The following ZC3H12B variants were observed in gnomAD, a reference collection of about 807,000 sequenced individuals.
The protein encoded by ZC3H12B is probable ribonuclease ZC3H12B.
Under a neutral mutation model 43.9 loss-of-function variants are expected in ZC3H12B, and 7 were observed. The ratio of observed to expected loss-of-function variants is 0.16; its 90% CI spans 0.09 to 0.30. ZC3H12B has a LOEUF of 0.30. Ranked by LOEUF, ZC3H12B falls within the 10% of genes least tolerant of loss-of-function variation. The pLI is 1.00. For synonymous variants in ZC3H12B, 222 were observed against 241.7 expected, an observed-to-expected ratio of 0.92 and a Z score of 0.76; for missense variants, 475 against 670.2, an observed-to-expected ratio of 0.71 and a Z score of 3.22.
exon 5 of ZC3H12B, chrX:65,504,963 T>C (rs1213315464): frequency 8.9e-6 from 1 of 112,732 alleles, no homozygotes; most frequent in African/African-American, 3.2e-5. Context: ...GCACTTGCTG[T>C]TAAATAATTG....
chrX:65,490,163 T>C (rs1050195312), intron 1 of ZC3H12B, among the ~76,000 whole-genome samples: 2 of 111,103 alleles, frequency 1.8e-5, no homozygotes, highest in African/African-American at 6.5e-5. Context: ...AAATGGACTT[T>C]GCAAATGTGA....
chrX:65,124,051 A>T, the ZC3H12B span, among the ~76,000 whole-genome samples: 144 of 111,094 alleles, frequency 1.3e-3, no homozygotes, highest in African/African-American at 4.3e-3. Flanking sequence ...TTAAAGTGGG[A>T]ATCATGTCTT....
At chrX:65,378,333 A>G (rs905233592) in intron 2 of ZC3H12B, among the ~76,000 whole-genome samples, 9 of 111,526 alleles carry the variant, frequency 8.1e-5, no homozygotes, top group Non-Finnish European at 1.5e-4. Flanking sequence ...TAAGGTGTAG[A>G]GTGTTTTTTA....
chrX:65,072,152 A>T, the ZC3H12B span, among the ~76,000 whole-genome samples: 1 of 111,381 alleles, frequency 9.0e-6, no homozygotes, highest in East Asian at 2.8e-4. Flanking sequence ...ATTCCTTTTC[A>T]TTCTTTTTTC....
At chrX:65,111,981 G>A in the ZC3H12B span, among the ~76,000 whole-genome samples, 1 of 111,998 alleles carries the variant, frequency 8.9e-6, no homozygotes, top group African/African-American at 3.2e-5. Flanking sequence ...AGTGAAGAGG[G>A]CATTTTGAAA....
chrX:65,160,058 A>G, the ZC3H12B span, among the ~76,000 whole-genome samples: 6 of 111,922 alleles, frequency 5.4e-5, no homozygotes, highest in South Asian at 2.2e-3. Context: ...TATATGTTGG[A>G]TTACATTTAT....
At chrX:65,229,174 A>C in the ZC3H12B span, among the ~76,000 whole-genome samples, 3 of 111,107 alleles carry the variant, frequency 2.7e-5, no homozygotes, top group Non-Finnish European at 3.8e-5. Flanking sequence ...TGGTACTGGT[A>C]CCAAAACAGA....
At chrX:65,422,213 G>A (rs1159412668) in intron 3 of ZC3H12B, among the ~76,000 whole-genome samples, 1 of 111,598 alleles carries the variant, frequency 9.0e-6, no homozygotes, top group African/African-American at 3.3e-5. Flanking sequence ...GTATCAAAGG[G>A]TGGAAATGAG....
the ZC3H12B span, among the ~76,000 whole-genome samples, chrX:65,317,712 T>C: frequency 9.4e-6 from 1 of 106,470 alleles, no homozygotes; most frequent in Non-Finnish European, 1.9e-5. Context: ...TATTATTTCA[T>C]TCCTTTTTTA....
chrX:65,380,256 C>A (rs941617949), intron 2 of ZC3H12B, among the ~76,000 whole-genome samples: 14 of 112,156 alleles, frequency 1.2e-4, no homozygotes, highest in African/African-American at 4.5e-4. Context: ...AACAGCAGAT[C>A]TCTCAGCAGA....
the ZC3H12B span, among the ~76,000 whole-genome samples, chrX:65,332,768 A>G: frequency 8.9e-6 from 1 of 111,867 alleles, no homozygotes; most frequent in Admixed American, 9.5e-5. Context: ...TAGATAACAG[A>G]TAACATAATA....
At chrX:65,342,988 C>A in the ZC3H12B span, among the ~76,000 whole-genome samples, 1 of 110,916 alleles carries the variant, frequency 9.0e-6, no homozygotes, top group Admixed American at 9.6e-5. Context: ...GGAGATACTA[C>A]CACTTACCCC....
At chrX:65,450,915 A>C (rs1312964305) in intron 3 of ZC3H12B, among the ~76,000 whole-genome samples, 1 of 96,387 alleles carries the variant, frequency 1.0e-5, no homozygotes, top group East Asian at 3.2e-4. Flanking sequence ...ATATATACAC[A>C]CACACACATA....
At chrX:65,216,893 G>A in the ZC3H12B span, among the ~76,000 whole-genome samples, 1 of 111,916 alleles carries the variant, frequency 8.9e-6, no homozygotes, top group South Asian at 3.7e-4. Flanking sequence ...ATATAGTTCA[G>A]GGAGTATTTA....
chrX:65,157,640 T>C, the ZC3H12B span, among the ~76,000 whole-genome samples: 9 of 111,838 alleles, frequency 8.0e-5, no homozygotes, highest in Admixed American at 8.6e-4. Flanking sequence ...GATTTTTCCA[T>C]TTTGAACAAA....
At chrX:65,404,023 C>T (rs1438557595) in intron 3 of ZC3H12B, among the ~76,000 whole-genome samples, 1 of 112,041 alleles carries the variant, frequency 8.9e-6, no homozygotes, top group Non-Finnish European at 1.9e-5. Context: ...ATAATAACTA[C>T]AACAACTTCT....
At chrX:65,198,920 A>G in the ZC3H12B span, among the ~76,000 whole-genome samples, 1 of 111,320 alleles carries the variant, frequency 9.0e-6, no homozygotes, top group Non-Finnish European at 1.9e-5. Context: ...TCAGCCATCC[A>G]GGTTCAAACG....
the ZC3H12B span, among the ~76,000 whole-genome samples, chrX:65,339,287 G>A: frequency 9.0e-6 from 1 of 111,579 alleles, no homozygotes; most frequent in African/African-American, 3.3e-5. Context: ...AGGAAGCTGA[G>A]AACACTGCAT....
the ZC3H12B span, among the ~76,000 whole-genome samples, chrX:65,279,580 T>A: frequency 9.0e-6 from 1 of 111,140 alleles, no homozygotes; most frequent in Non-Finnish European, 1.9e-5. Context: ...TCAAGATGGA[T>A]TAAAGACTTA....
Sources: gnomAD v4.1 joint callset for allele counts (sites outside exome capture counted in the v4.1 genomes callset) on GRCh38, gnomAD v4.1.1 for gene constraint, MANE v1.5 for transcripts, NCBI Gene and HGNC (gene_info 2026-07-23, HGNC 2026-07-21) for gene names.